ATXN10: variants seen among roughly 807,000 people sequenced by gnomAD.
ATXN10 encodes the protein ataxin-10.
ATXN10 carries 28 observed loss-of-function variants against 52.9 expected under a neutral mutation model. The observed-to-expected ratio is 0.53, with a 90% CI of 0.39 to 0.73. The LOEUF is 0.73. ATXN10 is among the 30% of genes least tolerant of loss of function. The pLI is 0.00. For synonymous variants in ATXN10, 226 were observed against 221.5 expected (o/e 1.02, Z -0.18); for missense variants, 565 against 577.0 (o/e 0.98, Z 0.21).
chr22:45,749,064 A>G (rs1055823489), intron 9 of ATXN10, among the ~76,000 whole-genome samples: 1 of 152,208 alleles, frequency 6.6e-6, no homozygotes, highest in Middle Eastern at 3.2e-3. Context: ...TATAATTGCA[A>G]TGTAACAGCG....
chr22:45,826,673 C>T lies in ATXN10; in HGVS notation c.1238-16318C>T, dbSNP rs934333404. On this transcript the variant is annotated intron_variant, in intron 10 of 11. Coordinates refer to ENST00000252934, the MANE Select transcript of ATXN10 (RefSeq NM_013236.4). The surrounding 1 kb of genome is among the most constrained non-coding windows in gnomAD (Gnocchi z 5.0). Reference sequence around the variant, plus strand: ...AAAGAAAAAACTGTCAACTAAGAATCGTTTGTCTGTCCAAACTGTCCTTCA... The same window carrying T: ...AAAGAAAAAACTGTCAACTAAGAATTGTTTGTCTGTCCAAACTGTCCTTCA... 2.6e-5 allele frequency among the ~76,000 whole-genome samples: 4 copies of T among 152,202 alleles called. No individual in the cohort carries two copies. Among genetic ancestry groups the T allele is most frequent in the East Asian group, 1.9e-4 (1 of 5,208 alleles).
intron 9 of ATXN10, among the ~76,000 whole-genome samples, chr22:45,791,040 G>T (rs965277920): frequency 6.6e-6 from 1 of 152,182 alleles, no homozygotes; most frequent in African/African-American, 2.4e-5. Flanking sequence ...AAAATTATTT[G>T]TTGAGATGGG....
rs550526067 is a variant in ATXN10 at position 45,786,129 on chromosome 22, C to T, written c.1174-20830C>T. ...CACTAAATTCAGATGTGAATGTTTG[C>T]TAAAGAAAAGATAGTTGCTAATTTT... On this transcript the variant is annotated intron_variant, in intron 9 of 11. Transcript: ENST00000252934. This position sits in a 1 kb window ranked among gnomAD's most constrained non-coding sequence, Gnocchi z 4.1. 1.6e-4 allele frequency among the ~76,000 whole-genome samples: 24 copies of T among 152,224 alleles called. No homozygotes were observed. The highest frequency in any genetic ancestry group is 5.5e-4 in the African/African-American group (23 of 41,542).
In ATXN10 at chr22:45,683,047, G is replaced by A. The variant is rs747406446; in HGVS notation, c.117-6665G>A. Among the ~76,000 whole-genome samples the A allele has an allele frequency of 6.6e-5, 10 of 152,158 alleles. No individual in the cohort carries two copies. The highest frequency in any genetic ancestry group is 2.1e-4 in the South Asian group (1 of 4,818). Reference sequence around the variant, plus strand: ...TCAGAACCTTCCATGGGCCGGGCACGGTGGCTCACGCCTGTCATCCCAGCA... The same window carrying A: ...TCAGAACCTTCCATGGGCCGGGCACAGTGGCTCACGCCTGTCATCCCAGCA... On this transcript the variant is annotated intron_variant, in intron 1 of 11. Transcript: ENST00000252934. This position sits in a 1 kb window ranked among gnomAD's most constrained non-coding sequence, Gnocchi z 4.8.
chr22:45,672,817 T>A (rs1354973818), intron 1 of ATXN10: 2 of 152,360 alleles, frequency 1.3e-5, no homozygotes, highest in African/African-American at 2.4e-5. Flanking sequence ...AGTTGTGGAT[T>A]TGGTTCCTGG....
intron 10 of ATXN10, among the ~76,000 whole-genome samples, chr22:45,836,194 TC>T (rs1218702998): frequency 6.6e-6 from 1 of 152,234 alleles, no homozygotes; most frequent in Non-Finnish European, 1.5e-5. Flanking sequence ...ACTTTAATTT[TC>T]TGAATGAGAA....
rs1023087906 is a variant in ATXN10 at position 45,835,560 on chromosome 22, T to C, written c.1238-7431T>C. Among the ~76,000 whole-genome samples the C allele has an allele frequency of 6.6e-6, 1 of 152,220 alleles. No individual in the cohort carries two copies. The highest frequency in any genetic ancestry group is 6.5e-5 in the Admixed American group (1 of 15,284). On this transcript the variant is annotated intron_variant, in intron 10 of 11. Coordinates refer to ENST00000252934, the MANE Select transcript of ATXN10 (RefSeq NM_013236.4). This position sits in a 1 kb window ranked among gnomAD's most constrained non-coding sequence, Gnocchi z 5.0. ...TTTAATAAAGTACTGATTTGGGTTA[T>C]GCACAGATATAAAATCTCTAGTGGA... is the stretch of plus-strand genomic sequence containing the variant.
At chr22:45,714,682 A>G (rs1405895193) in intron 5 of ATXN10, among the ~76,000 whole-genome samples, 2 of 152,172 alleles carry the variant, frequency 1.3e-5, no homozygotes, top group Non-Finnish European at 2.9e-5. Context: ...GTGTCCAGCC[A>G]TATGATACTT....
At chr22:45,729,028 A>C (rs1193751890) in intron 6 of ATXN10, among the ~76,000 whole-genome samples, 2 of 152,228 alleles carry the variant, frequency 1.3e-5, no homozygotes, top group African/African-American at 4.8e-5. Flanking sequence ...TGTGAGGATT[A>C]AGTGATACAA....
rs1372180358 is a variant in ATXN10 at position 45,759,211 on chromosome 22, A to G, written c.1173+18673A>G. On this transcript the variant is annotated intron_variant, in intron 9 of 11. Coordinates refer to ENST00000252934, the MANE Select transcript of ATXN10 (RefSeq NM_013236.4). This position sits in a 1 kb window ranked among gnomAD's most constrained non-coding sequence, Gnocchi z 5.4. ...CTTGAAGCTTAGAGGGACAATGATA[A>G]ATAGTAAAAGATTCTAGAGTCCGGG... 6.6e-6 allele frequency among the ~76,000 whole-genome samples: 1 copy of G among 152,172 alleles called. No homozygotes were observed. Among genetic ancestry groups the G allele is most frequent in the Non-Finnish European group, 1.5e-5 (1 of 68,020 alleles).
At chr22:45,736,852 T>C (rs1471050169) in intron 7 of ATXN10, among the ~76,000 whole-genome samples, 1 of 152,230 alleles carries the variant, frequency 6.6e-6, no homozygotes, top group African/African-American at 2.4e-5. Flanking sequence ...AATGATCACC[T>C]AGATCCATGA....
intron 10 of ATXN10, among the ~76,000 whole-genome samples, chr22:45,812,043 G>A (rs1384654106): frequency 3.3e-5 from 5 of 152,060 alleles, no homozygotes; most frequent in East Asian, 1.9e-4. Context: ...TTTTGTTTCC[G>A]AGAAGGATCT....
intron 6 of ATXN10, among the ~76,000 whole-genome samples, chr22:45,719,024 T>C (rs915005554): frequency 6.6e-6 from 1 of 151,738 alleles, no homozygotes. Flanking sequence ...TGTGACCTTG[T>C]TGGGATTCAG....
intron 10 of ATXN10, among the ~76,000 whole-genome samples, chr22:45,822,663 TG>T (rs1402027055): frequency 1.3e-5 from 2 of 151,694 alleles, no homozygotes; most frequent in Admixed American, 1.3e-4. Context: ...CATGAGTAGC[TG>T]GGATTACAGG....
intron 3 of ATXN10, among the ~76,000 whole-genome samples, chr22:45,697,179 G>T (rs9614759): frequency 0.051 from 7,704 of 151,970 alleles, 220 homozygotes; most frequent in African/African-American, 0.078. Context: ...TCGTTGCCCA[G>T]GCTGGAGTGC....
intron 3 of ATXN10, among the ~76,000 whole-genome samples, chr22:45,698,667 C>T (rs993281411): frequency 2.0e-5 from 3 of 152,034 alleles, no homozygotes; most frequent in Admixed American, 6.6e-5. Context: ...GCTTGTGTTT[C>T]GCCACAGATG....
At position 45,833,227 on chromosome 22, in the gene ATXN10, T is replaced by C. The variant is rs1929049394; in HGVS notation, c.1238-9764T>C. Among the ~76,000 whole-genome samples the C allele has an allele frequency of 6.6e-6, 1 of 152,208 alleles. No individual in the cohort carries two copies. On this transcript the variant is annotated intron_variant, in intron 10 of 11. Coordinates refer to ENST00000252934, the MANE Select transcript of ATXN10 (RefSeq NM_013236.4). This position sits in a 1 kb window ranked among gnomAD's most constrained non-coding sequence, Gnocchi z 4.3. The stretch of plus-strand genomic sequence containing the variant: ...ATCTGGTATCTGTCCCTGTTCACCC[T>C]GCAAGCCCTCCCCACCCTTGACCAC...
chr22:45,681,709 A>T lies in ATXN10; in HGVS notation c.117-8003A>T, dbSNP rs114835065. Among the ~76,000 whole-genome samples the T allele has an allele frequency of 7.0e-3, 1,071 of 152,208 alleles. 13 individuals are homozygous for T. The highest frequency in any genetic ancestry group is 0.024 in the African/African-American group (1,014 of 41,518). On this transcript the variant is annotated intron_variant, in intron 1 of 11. Transcript: ENST00000252934. This position sits in a 1 kb window ranked among gnomAD's most constrained non-coding sequence, Gnocchi z 4.2. ...AGCCGTGCAGACTGCTCTCACTTTA[A>T]CTTGCTGATCACTAACTAACGTGGC...
At chr22:45,756,549 A>G (rs1032250588) in intron 9 of ATXN10, among the ~76,000 whole-genome samples, 1 of 152,250 alleles carries the variant, frequency 6.6e-6, no homozygotes, top group East Asian at 1.9e-4. Context: ...TTTAAGCAAG[A>G]GAATATGTAT....
Sources: allele counts gnomAD v4.1 joint callset (sites outside exome capture counted in the v4.1 genomes callset), GRCh38; gene constraint gnomAD v4.1.1; non-coding constraint Gnocchi (gnomAD v3.1); transcripts MANE v1.5; gene names NCBI Gene and HGNC (gene_info 2026-07-23, HGNC 2026-07-21).